Variants in REEP3 observed in about 807,000 individuals in gnomAD.
The protein encoded by REEP3 is receptor expression-enhancing protein 3.
In REEP3, 20 loss-of-function variants were observed where a neutral mutation model predicts 41.3. The observed-to-expected ratio is 0.48, with a 90% CI of 0.34 to 0.70. The LOEUF is 0.70. Among genes scored for constraint, REEP3 ranks in the 30% least tolerant of loss-of-function variants. The pLI, the probability that REEP3 is intolerant of heterozygous loss-of-function variation, is 0.01. For missense variants in REEP3, 271 were observed against 308.8 expected (o/e 0.88, Z 0.92); for synonymous variants, 104 against 101.8 (o/e 1.02, Z -0.13).
At chr10:63,521,648 A>G in intron 1 of REEP3, 71 bp downstream of exon 1, 2 of 1,191,382 alleles carry the variant, frequency 1.7e-6, no homozygotes, top group Non-Finnish European at 2.2e-6. Context: ...GAAGGAGCCG[A>G]GAGGAAAGGG....
chr10:63,572,549 G>C (rs1352909285), intron 2 of REEP3, among the ~76,000 whole-genome samples: 1 of 151,962 alleles, frequency 6.6e-6, no homozygotes, highest in Non-Finnish European at 1.5e-5. Flanking sequence ...TAAACTGACT[G>C]TTAACAGTTT....
rs372785637 is a variant in REEP3 at position 63,610,460 on chromosome 10, A to G, written c.565+126A>G. Reference sequence around the variant, plus strand: ...GAGCATTAGGACAAATACCTAATGCATACGGGGCTTAAAACCTAGATGATG... The same window carrying G: ...GAGCATTAGGACAAATACCTAATGCGTACGGGGCTTAAAACCTAGATGATG... On this transcript the variant is annotated intron_variant, in intron 6 of 7. Coordinates refer to ENST00000373758, the MANE Select transcript of REEP3 (RefSeq NM_001001330.3). 7.0e-6 allele frequency: 6 copies of G among 852,600 alleles called. No homozygotes were observed. The Admixed American group carries it at 1.4e-4, about 20-fold the overall frequency. 52.8% of individuals were successfully genotyped at this position (852,600 alleles called of 1,614,324 possible). A position where few individuals can be genotyped will look rare whatever the true frequency, so the allele number is the denominator to read the frequency against.
intron 2 of REEP3, among the ~76,000 whole-genome samples, chr10:63,579,097 T>C (rs1226568049): frequency 6.6e-6 from 1 of 151,160 alleles, no homozygotes; most frequent in Non-Finnish European, 1.5e-5. Context: ...CAATGGCGCA[T>C]CTCAGCTCAC....
chr10:63,551,430 C>T (rs1955627738), intron 1 of REEP3, among the ~76,000 whole-genome samples: 1 of 152,114 alleles, frequency 6.6e-6, no homozygotes, highest in Non-Finnish European at 1.5e-5. Context: ...AGATACTCTG[C>T]CCTCAAGGAA....
rs1367913259 is a variant in REEP3 at position 63,556,640 on chromosome 10, T to G, written c.33-9698T>G. Among the ~76,000 whole-genome samples the G allele has an allele frequency of 4.6e-4, 45 of 98,652 alleles. 3 individuals are homozygous for G. The Middle Eastern group carries it at 0.02, about 43-fold the overall frequency. The allele number at this position is 98,652 out of a possible 152,430, so 64.7% of individuals were successfully genotyped here. A position where few individuals can be genotyped will look rare whatever the true frequency, so the allele number is the denominator to read the frequency against. On this transcript the variant is annotated intron_variant, in intron 1 of 7. Transcript: ENST00000373758. ...TTTTTTTTTTTGTTGTTTTGTTTTTTTTTTTTTTTTTTTGAGACGGAGTCT... is the reference window on the plus strand; with the variant it reads ...TTTTTTTTTTTGTTGTTTTGTTTTTGTTTTTTTTTTTTTGAGACGGAGTCT...
intron 6 of REEP3, among the ~76,000 whole-genome samples, chr10:63,619,221 G>A (rs941149707): frequency 1.3e-5 from 2 of 152,062 alleles, no homozygotes; most frequent in Non-Finnish European, 2.9e-5. Flanking sequence ...CACATAGAAC[G>A]GAAAAGCCTT....
chr10:63,582,320 ATC>A (rs1378188499), intron 2 of REEP3, among the ~76,000 whole-genome samples: 2 of 152,184 alleles, frequency 1.3e-5, no homozygotes, highest in African/African-American at 4.8e-5. Flanking sequence ...ACTTTTAAAC[ATC>A]TGTCTGCCCT....
chr10:63,552,719 A>G (rs1589864203), intron 1 of REEP3, among the ~76,000 whole-genome samples: 2 of 152,112 alleles, frequency 1.3e-5, no homozygotes, highest in Non-Finnish European at 2.9e-5. Flanking sequence ...ATTGGTGGAG[A>G]TTATACCATT....
At chr10:63,579,687 A>G (rs1955931882) in intron 2 of REEP3, among the ~76,000 whole-genome samples, 1 of 152,254 alleles carries the variant, frequency 6.6e-6, no homozygotes, top group Non-Finnish European at 1.5e-5. Context: ...CTTTTGCTAA[A>G]ATCTAGGAAG....
intron 6 of REEP3, among the ~76,000 whole-genome samples, chr10:63,616,875 A>T (rs10465991): frequency 0.33 from 50,261 of 152,050 alleles, 8,789 homozygotes; most frequent in African/African-American, 0.45. Context: ...AACATTTTTT[A>T]AAAATAAGAA....
At chr10:63,551,834 G>A (rs1178421995) in intron 1 of REEP3, among the ~76,000 whole-genome samples, 1 of 152,078 alleles carries the variant, frequency 6.6e-6, no homozygotes, top group Non-Finnish European at 1.5e-5. Context: ...TTTGAATAAA[G>A]TATGGACTTC....
In REEP3 at chr10:63,620,821, C is replaced by T. The variant is rs1352892197; in HGVS notation, c.720C>T (p.Tyr240=). The T allele has an allele frequency of 7.5e-6, 12 of 1,603,012 alleles. No homozygotes were observed. The highest frequency in any genetic ancestry group is 5.6e-5 in the South Asian group (5 of 89,850). The change falls in exon 8 of 8, where the codon TAC becomes TAT. Residue 240 remains tyrosine (Y), a synonymous_variant. Transcript: ENST00000373758. The part of the protein sequence containing the change: ...KTTKGRKEVR[Y]GSLKYKVKKR... Reference sequence around the variant, plus strand: ...AACATTTCTCTCTTCAGGTGCGGTACGGGTCACTAAAATACAAAGTGAAGA... The same window carrying T: ...AACATTTCTCTCTTCAGGTGCGGTATGGGTCACTAAAATACAAAGTGAAGA...
intron 4 of REEP3, among the ~76,000 whole-genome samples, chr10:63,598,513 G>A (rs187226283): frequency 0.019 from 2,728 of 146,158 alleles, 100 homozygotes; most frequent in African/African-American, 0.065. Context: ...GGCCGGGCAC[G>A]GTGGCTCACG....
chr10:63,559,258 T>C (rs1379990169), intron 1 of REEP3, among the ~76,000 whole-genome samples: 1 of 152,214 alleles, frequency 6.6e-6, no homozygotes, highest in Non-Finnish European at 1.5e-5. Flanking sequence ...CTACTAACTA[T>C]GATATTTATG....
In REEP3 at chr10:63,544,559, A is replaced by G. The variant is rs544393032; in HGVS notation, c.33-21779A>G. Among the ~76,000 whole-genome samples the G allele has an allele frequency of 2.6e-4, 39 of 152,276 alleles. 1 individual carries two copies. The South Asian group carries it at 4.4e-3, about 17-fold the overall frequency. On this transcript the variant is annotated intron_variant, in intron 1 of 7. Coordinates refer to ENST00000373758, the MANE Select transcript of REEP3 (RefSeq NM_001001330.3). ...TTGAGTGGGAGGTGTCAAACATGAG[A>G]GGAAGAAAAGGTTTAGAGAAGGAAT...
At chr10:63,555,529 G>T (rs1955670181) in intron 1 of REEP3, among the ~76,000 whole-genome samples, 1 of 152,144 alleles carries the variant, frequency 6.6e-6, no homozygotes, top group Non-Finnish European at 1.5e-5. Flanking sequence ...AGGTACCTTG[G>T]TTATCAGTAG....
intron 1 of REEP3, among the ~76,000 whole-genome samples, chr10:63,555,267 A>G (rs1955667527): frequency 6.6e-6 from 1 of 151,912 alleles, no homozygotes; most frequent in Admixed American, 6.6e-5. Flanking sequence ...TTTTTTCCCC[A>G]TGGGTTTGAC....
chr10:63,529,836 TG>T (rs1955403597), intron 1 of REEP3, among the ~76,000 whole-genome samples: 1 of 150,818 alleles, frequency 6.6e-6, no homozygotes, highest in South Asian at 2.1e-4. Context: ...TGGAGTGCAA[TG>T]GCGCAATCTC....
chr10:63,524,873 G>C lies in REEP3; in HGVS notation c.32+3296G>C, dbSNP rs569524636. On this transcript the variant is annotated intron_variant, in intron 1 of 7. Coordinates refer to ENST00000373758, the MANE Select transcript of REEP3 (RefSeq NM_001001330.3). ...CCGTTGTAAAGAAAATTAGCCGGGC[G>C]TGATGGCGCACACCTGTAGTCCTGG... Among the ~76,000 whole-genome samples the C allele has an allele frequency of 2.0e-5, 3 of 152,214 alleles. No individual in the cohort carries two copies. The South Asian group carries it at 6.2e-4, about 32-fold the overall frequency.
Sources: gnomAD v4.1 joint callset for allele counts (sites outside exome capture counted in the v4.1 genomes callset) on GRCh38, gnomAD v4.1.1 for gene constraint, MANE v1.5 for transcripts, NCBI Gene and HGNC (gene_info 2026-07-23, HGNC 2026-07-21) for gene names.